KCNC2: variants seen among roughly 807,000 people sequenced by gnomAD.
KCNC2 encodes the protein potassium voltage-gated channel subfamily C member 2.
In KCNC2, 21 loss-of-function variants were observed where a neutral mutation model predicts 44.5. The ratio of observed to expected loss-of-function variants is 0.47; its 90% CI spans 0.33 to 0.68. The LOEUF (loss-of-function observed/expected upper bound fraction) is 0.68, where lower values mean the gene tolerates loss of function less well. Among genes scored for constraint, KCNC2 ranks in the 30% least tolerant of loss-of-function variants. The pLI is 0.01. For synonymous variants in KCNC2, 391 were observed against 339.1 expected, an observed-to-expected ratio of 1.15 and a Z score of -1.68; for missense variants, 589 against 826.2, an observed-to-expected ratio of 0.71 and a Z score of 3.52.
chr12:75,084,286 TA>T (rs1432154323), intron 2 of KCNC2, among the ~76,000 whole-genome samples: 89 of 128,988 alleles, frequency 6.9e-4, no homozygotes, highest in Admixed American at 3.4e-3. Flanking sequence ...GATAGATAGA[TA>T]GATGATAGAT....
chr12:75,198,822 G>T (rs1444888851), intron 2 of KCNC2, among the ~76,000 whole-genome samples: 1 of 151,664 alleles, frequency 6.6e-6, no homozygotes, highest in African/African-American at 2.4e-5. Context: ...TCTGAATAAT[G>T]TCTGGCCTTC....
At chr12:75,194,000 A>C (rs1456640020) in intron 2 of KCNC2, among the ~76,000 whole-genome samples, 2 of 152,182 alleles carry the variant, frequency 1.3e-5, no homozygotes, top group Non-Finnish European at 2.9e-5. Context: ...AGAAAGATTC[A>C]CAAAGACATT....
chr12:75,172,466 A>T (rs1891895922), intron 2 of KCNC2, among the ~76,000 whole-genome samples: 1 of 151,698 alleles, frequency 6.6e-6, no homozygotes, highest in African/African-American at 2.4e-5. Context: ...CATCCTGCAC[A>T]TGTAACCCTC....
intron 2 of KCNC2, among the ~76,000 whole-genome samples, chr12:75,189,759 C>T (rs1444254679): frequency 3.3e-5 from 5 of 152,140 alleles, no homozygotes; most frequent in African/African-American, 1.2e-4. Flanking sequence ...TGTCTATCTT[C>T]ATTCTACACA....
At chr12:75,163,119 C>T (rs983771976) in intron 2 of KCNC2, among the ~76,000 whole-genome samples, 3 of 151,828 alleles carry the variant, frequency 2.0e-5, no homozygotes, top group East Asian at 3.9e-4. Flanking sequence ...CCAGTAATAC[C>T]GCTTCCCAGC....
intron 2 of KCNC2, among the ~76,000 whole-genome samples, chr12:75,119,788 G>A (rs1477869354): frequency 6.6e-6 from 1 of 152,126 alleles, no homozygotes; most frequent in African/African-American, 2.4e-5. Flanking sequence ...CCACCACAAA[G>A]ATTTTCTTTG....
intron 2 of KCNC2, among the ~76,000 whole-genome samples, chr12:75,148,035 T>C (rs1890143495): frequency 6.6e-6 from 1 of 152,152 alleles, no homozygotes; most frequent in Admixed American, 6.6e-5. Flanking sequence ...ACATGGGCTA[T>C]TGATTAAAAT....
chr12:75,084,472 T>C (rs774713051), intron 2 of KCNC2, among the ~76,000 whole-genome samples: 5 of 151,990 alleles, frequency 3.3e-5, no homozygotes, highest in Non-Finnish European at 5.9e-5. Flanking sequence ...TTTCTGGTGC[T>C]ATTCTCGTGA....
chr12:75,113,772 G>T (rs1344655040), intron 2 of KCNC2, among the ~76,000 whole-genome samples: 2 of 152,130 alleles, frequency 1.3e-5, no homozygotes, highest in African/African-American at 4.8e-5. Flanking sequence ...TTTGTATCTT[G>T]ATTCTGAAGT....
At chr12:75,164,661 A>G (rs919438760) in intron 2 of KCNC2, among the ~76,000 whole-genome samples, 5 of 151,636 alleles carry the variant, frequency 3.3e-5, no homozygotes, top group Non-Finnish European at 7.4e-5. Context: ...TTCTCTGGAT[A>G]AGTAAATTCC....
At chr12:75,176,130 A>G (rs1309180955) in intron 2 of KCNC2, among the ~76,000 whole-genome samples, 2 of 152,078 alleles carry the variant, frequency 1.3e-5, no homozygotes, top group East Asian at 3.9e-4. Context: ...AAGATCAGGA[A>G]GTGTAACTTA....
At chr12:75,126,334 T>C (rs556333114) in intron 2 of KCNC2, among the ~76,000 whole-genome samples, 34 of 152,192 alleles carry the variant, frequency 2.2e-4, no homozygotes, top group Non-Finnish European at 4.7e-4. Flanking sequence ...TTTTCAACAT[T>C]GAAATCTCTT....
chr12:75,107,158 G>T (rs1886856273), intron 2 of KCNC2, among the ~76,000 whole-genome samples: 2 of 152,030 alleles, frequency 1.3e-5, no homozygotes, highest in Admixed American at 6.6e-5. Context: ...CAAAAAATTA[G>T]CTGGGTGTGG....
intron 2 of KCNC2, among the ~76,000 whole-genome samples, chr12:75,068,813 T>C (rs1171355513): frequency 1.3e-5 from 2 of 152,100 alleles, no homozygotes; most frequent in Admixed American, 1.3e-4. Context: ...AACCAAACTG[T>C]GATAGGTTCA....
chr12:75,156,605 G>A lies in KCNC2; in HGVS notation c.687+50692C>T, dbSNP rs146328994. Among the ~76,000 whole-genome samples the A allele has an allele frequency of 2.1e-3, 322 of 151,410 alleles. 3 individuals carry two copies. The highest frequency in any genetic ancestry group is 7.6e-3 in the African/African-American group (314 of 41,322). ...TCTTAAGACAATTTCTTTCAACCTC[G>A]GTGTCCTTATTTTTAAATGATGCCT... On this transcript the variant is annotated intron_variant, in intron 2 of 4. Transcript: ENST00000549446.
intron 2 of KCNC2, among the ~76,000 whole-genome samples, chr12:75,179,392 G>A (rs1593038553): frequency 6.6e-6 from 1 of 151,824 alleles, no homozygotes; most frequent in African/African-American, 2.4e-5. Context: ...GATACTGAAA[G>A]AAGTATGCCT....
intron 2 of KCNC2, among the ~76,000 whole-genome samples, chr12:75,148,096 T>A (rs773117735): frequency 6.6e-6 from 1 of 152,040 alleles, no homozygotes; most frequent in Non-Finnish European, 1.5e-5. Context: ...CTTTTCCCCA[T>A]CCACTTTTCC....
intron 2 of KCNC2, among the ~76,000 whole-genome samples, chr12:75,066,423 A>G (rs1029830108): frequency 1.3e-5 from 2 of 152,194 alleles, no homozygotes; most frequent in African/African-American, 4.8e-5. Flanking sequence ...TTCCTAGATA[A>G]TTTAAACCTT....
intron 2 of KCNC2, among the ~76,000 whole-genome samples, chr12:75,168,272 T>C (rs1309148507): frequency 1.3e-5 from 2 of 151,472 alleles, no homozygotes; most frequent in African/African-American, 4.8e-5. Context: ...CACAATAATC[T>C]GTAAAAATAT....
Sources: allele counts gnomAD v4.1 joint callset (sites outside exome capture counted in the v4.1 genomes callset), GRCh38; gene constraint gnomAD v4.1.1; transcripts MANE v1.5; gene names NCBI Gene and HGNC (gene_info 2026-07-23, HGNC 2026-07-21).